Variants in SORCS2 observed in about 807,000 individuals in gnomAD.
SORCS2 encodes the protein sortilin related VPS10 domain containing receptor 2, also known as VPS10 domain-containing receptor SorCS2.
SORCS2 carries 100 observed loss-of-function variants against 141.6 expected under a neutral mutation model. The observed-to-expected ratio is 0.71, with a 90% CI of 0.60 to 0.83. SORCS2 has a LOEUF of 0.83. Among genes scored for constraint, SORCS2 ranks in the 40% least tolerant of loss-of-function variants. The pLI, the probability that SORCS2 is intolerant of heterozygous loss-of-function variation, is 0.00. For synonymous variants in SORCS2, 789 were observed against 676.9 expected (o/e 1.17, Z -2.57); for missense variants, 1,646 against 1,560.2 (o/e 1.05, Z -0.93).
At chr4:7,277,678 G>C (rs1320294735) in intron 1 of SORCS2, among the ~76,000 whole-genome samples, 1 of 152,194 alleles carries the variant, frequency 6.6e-6, no homozygotes, top group African/African-American at 2.4e-5. Flanking sequence ...TGAGCTTCTG[G>C]GAGCAAAATA....
intron 1 of SORCS2, among the ~76,000 whole-genome samples, chr4:7,289,454 C>T (rs1716465257): frequency 1.3e-5 from 2 of 152,218 alleles, no homozygotes; most frequent in African/African-American, 4.8e-5. Flanking sequence ...CTGCCTAGCA[C>T]TGAGTGGGTG....
intron 1 of SORCS2, among the ~76,000 whole-genome samples, chr4:7,324,427 G>GCC (rs1719105785): frequency 6.6e-6 from 1 of 152,202 alleles, no homozygotes; most frequent in Non-Finnish European, 1.5e-5. Flanking sequence ...TGGGCAACAG[G>GCC]CCGGGGAAGG....
At chr4:7,525,424 G>A (rs1733607595) in intron 2 of SORCS2, among the ~76,000 whole-genome samples, 1 of 152,022 alleles carries the variant, frequency 6.6e-6, no homozygotes, top group African/African-American at 2.4e-5. Flanking sequence ...TGCCCAGGGA[G>A]CAGCAGTGGG....
chr4:7,591,530 T>C (rs1322649654), intron 3 of SORCS2, among the ~76,000 whole-genome samples: 2 of 152,166 alleles, frequency 1.3e-5, no homozygotes, highest in African/African-American at 4.8e-5. Flanking sequence ...TGTGGACTTT[T>C]GGCTGTGGCA....
chr4:7,600,603 G>A (rs575630843), intron 3 of SORCS2, among the ~76,000 whole-genome samples: 21 of 151,610 alleles, frequency 1.4e-4, no homozygotes, highest in African/African-American at 4.4e-4. Flanking sequence ...CCCGGGGTCC[G>A]GTAGAGGGAA....
intron 1 of SORCS2, among the ~76,000 whole-genome samples, chr4:7,301,063 C>T (rs1232981102): frequency 1.3e-5 from 2 of 152,112 alleles, no homozygotes; most frequent in South Asian, 2.1e-4. Flanking sequence ...GCAGCATCTC[C>T]GTGGGCCCCA....
intron 2 of SORCS2, among the ~76,000 whole-genome samples, chr4:7,406,840 G>A (rs541980120): frequency 6.6e-5 from 10 of 151,508 alleles, no homozygotes; most frequent in Admixed American, 1.3e-4. Context: ...TTTCCTCTTC[G>A]TATTTCCTTG....
intron 5 of SORCS2, among the ~76,000 whole-genome samples, chr4:7,657,850 A>G (rs1721892357): frequency 7.2e-6 from 1 of 139,100 alleles, no homozygotes; most frequent in Non-Finnish European, 1.6e-5. Flanking sequence ...GAGTGAGTGA[A>G]TGAGTAAGTG....
intron 3 of SORCS2, among the ~76,000 whole-genome samples, chr4:7,537,450 C>T (rs1712222441): frequency 6.6e-6 from 1 of 152,192 alleles, no homozygotes. Context: ...TCCCAACACC[C>T]ACACCCACCC....
rs145990049 is a variant in SORCS2 at position 7,543,961 on chromosome 4, C to T, written c.648+12332C>T. On this transcript the variant is annotated intron_variant, in intron 3 of 26. Coordinates refer to ENST00000507866, the MANE Select transcript of SORCS2 (RefSeq NM_020777.3). ...CCACCCATCCATCCATCCATCCATC[C>T]ATCCATCCATCCACCCATCCGTCCA... Among the ~76,000 whole-genome samples the T allele has an allele frequency of 5.3e-4, 63 of 119,976 alleles. 3 individuals are homozygous for T. Among genetic ancestry groups the T allele is most frequent in the Non-Finnish European group, 6.4e-4 (34 of 53,408 alleles). 78.7% of individuals were successfully genotyped at this position (119,976 alleles called of 152,430 possible).
chr4:7,193,985 T>A lies in SORCS2; in HGVS notation c.480+859T>A, dbSNP rs562017676. On this transcript the variant is annotated intron_variant, in intron 1 of 26. Transcript: ENST00000507866. The surrounding 1 kb of genome is among the most constrained non-coding windows in gnomAD (Gnocchi z 4.8). ...AGAGGGTCCCTTTAGATTATTCCCC[T>A]GGGGGCTGCCTCAACCTCACTCCCC... Among the ~76,000 whole-genome samples, 1 of 152,152 alleles carries A rather than the reference T, an allele frequency of 6.6e-6. No homozygotes were observed. The highest frequency in any genetic ancestry group is 2.1e-4 in the South Asian group (1 of 4,818).
intron 1 of SORCS2, among the ~76,000 whole-genome samples, chr4:7,194,185 T>A (rs1727032691): frequency 6.6e-6 from 1 of 152,060 alleles, no homozygotes; most frequent in Non-Finnish European, 1.5e-5. Context: ...AAGCCTCCCC[T>A]CATTTCTGTG....
At chr4:7,327,772 C>CTGAGTGCA (rs1719368174) in intron 1 of SORCS2, among the ~76,000 whole-genome samples, 1 of 152,192 alleles carries the variant, frequency 6.6e-6, no homozygotes, top group African/African-American at 2.4e-5. Flanking sequence ...TTTTCCCTTC[C>CTGAGTGCA]TGAGTGCATG....
At chr4:7,455,055 G>A (rs1455702446) in intron 2 of SORCS2, among the ~76,000 whole-genome samples, 1 of 95,778 alleles carries the variant, frequency 1.0e-5, no homozygotes, top group Non-Finnish European at 2.1e-5. Context: ...GTTGGGGTCA[G>A]ATGCTGTGTT....
intron 10 of SORCS2, among the ~76,000 whole-genome samples, chr4:7,686,427 C>T (rs900038654): frequency 1.3e-5 from 2 of 152,210 alleles, no homozygotes; most frequent in African/African-American, 2.4e-5. Flanking sequence ...CACCCTCTGG[C>T]CCCTATGTGC....
At chr4:7,573,674 C>T (rs993990978) in intron 3 of SORCS2, among the ~76,000 whole-genome samples, 6 of 152,146 alleles carry the variant, frequency 3.9e-5, no homozygotes, top group African/African-American at 1.4e-4. Flanking sequence ...TGCACCACCG[C>T]ACTCTGCTTT....
chr4:7,321,793 T>A (rs1718909422), intron 1 of SORCS2, among the ~76,000 whole-genome samples: 1 of 152,142 alleles, frequency 6.6e-6, no homozygotes. Context: ...GAGGTGGGAA[T>A]GTGCTTTGTG....
At chr4:7,320,945 A>C (rs1049631412) in intron 1 of SORCS2, among the ~76,000 whole-genome samples, 4 of 131,172 alleles carry the variant, frequency 3.0e-5, no homozygotes, top group Non-Finnish European at 6.2e-5. Context: ...CCTTATATAT[A>C]TAAAATTTCA....
intron 9 of SORCS2, among the ~76,000 whole-genome samples, chr4:7,676,810 T>TCC (rs1723162414): frequency 4.6e-4 from 22 of 47,984 alleles, no homozygotes; most frequent in East Asian, 1.4e-3. Context: ...TCTGTCTCTC[T>TCC]CTCTCTCTCT....
Sources: allele counts gnomAD v4.1 joint callset (sites outside exome capture counted in the v4.1 genomes callset), GRCh38; gene constraint gnomAD v4.1.1; non-coding constraint Gnocchi (gnomAD v3.1); transcripts MANE v1.5; gene names NCBI Gene and HGNC (gene_info 2026-07-23, HGNC 2026-07-21).